Variants in SCAPER observed in about 807,000 individuals in gnomAD.
SCAPER encodes S phase cyclin A-associated protein in the endoplasmic reticulum.
A neutral mutation model predicts 182.2 loss-of-function variants in SCAPER; 98 were observed. The observed-to-expected ratio is 0.54, with a 90% CI of 0.46 to 0.64. SCAPER has a LOEUF of 0.64. SCAPER is among the 30% of genes least tolerant of loss of function. SCAPER has a pLI of 0.00. For missense variants in SCAPER, 1,432 were observed against 1,690.0 expected (o/e 0.85, Z 2.68); for synonymous variants, 605 against 564.6 (o/e 1.07, Z -1.01).
chr15:76,404,561 G>A lies in SCAPER; in HGVS notation c.3430C>T (p.His1144Tyr), dbSNP rs370270532. 1.2e-6 allele frequency: 2 copies of A among 1,613,440 alleles called. No individual in the cohort carries two copies. The highest frequency in any genetic ancestry group is 2.2e-5 in the South Asian group (2 of 91,018). ...GCAAAGCACAGTGTACACATTGCAT[G>A]TAAGAGTCCTGCGGCATGCTGCAGA... ...IFLQHAAGLL[H>Y]AMCTLCFAVT... Residue 1144 changes from histidine (H) to tyrosine (Y), a missense_variant, in exon 27 of 32, where the codon CAT becomes TAT. This residue lies in a region of SCAPER where 718 missense variants were observed against 799.7 expected (regional missense o/e 0.90). Transcript: ENST00000563290.
chr15:76,561,963 T>C (rs1026733854), intron 23 of SCAPER, among the ~76,000 whole-genome samples: 2 of 151,240 alleles, frequency 1.3e-5, no homozygotes, highest in African/African-American at 4.9e-5. Context: ...CTGGCCAACA[T>C]GGTGATCCCC....
chr15:76,830,878 T>C (rs907181289), intron 5 of SCAPER, among the ~76,000 whole-genome samples: 4 of 151,782 alleles, frequency 2.6e-5, no homozygotes, highest in Non-Finnish European at 4.4e-5. Context: ...AGACAGATCC[T>C]GGGGCTGAAG....
chr15:76,671,434 A>G (rs549325818), intron 20 of SCAPER, among the ~76,000 whole-genome samples: 1 of 152,246 alleles, frequency 6.6e-6, no homozygotes, highest in South Asian at 2.1e-4. Context: ...AAAACCCATG[A>G]AAAATATTTA....
At chr15:76,899,314 G>A (rs892069796) in intron 1 of SCAPER, among the ~76,000 whole-genome samples, 10 of 152,272 alleles carry the variant, frequency 6.6e-5, no homozygotes, top group South Asian at 4.1e-4. Context: ...CCAGGCACGC[G>A]CCGCCACTCC....
intron 5 of SCAPER, among the ~76,000 whole-genome samples, chr15:76,831,575 T>C (rs1437279435): frequency 2.1e-5 from 3 of 139,558 alleles, no homozygotes; most frequent in Non-Finnish European, 4.6e-5. Context: ...AGTACTCACC[T>C]ATGGCATCCC....
At chr15:76,371,313 C>G (rs935784887) in intron 29 of SCAPER, among the ~76,000 whole-genome samples, 1 of 151,122 alleles carries the variant, frequency 6.6e-6, no homozygotes, top group Non-Finnish European at 1.5e-5. Context: ...ATATTTCTCT[C>G]TCTCTCTTTT....
intron 21 of SCAPER, among the ~76,000 whole-genome samples, chr15:76,654,391 G>A (rs1347686051): frequency 6.6e-6 from 1 of 152,130 alleles, no homozygotes; most frequent in Admixed American, 6.5e-5. Flanking sequence ...CTGGGTGACA[G>A]AGCGAGACTC....
At position 76,771,811 on chromosome 15, in the gene SCAPER, T is replaced by C. The variant is rs747557253; in HGVS notation, c.1179A>G (p.Val393=). The change falls in exon 10 of 32, where the codon GTA becomes GTG. Residue 393 remains valine (V), a synonymous_variant. Transcript: ENST00000563290. ...TCTCTGCTGGAAATTTTTCTTCATTTACTTGTAAAGGAGGTGTACCAGCTT... is the reference window on the plus strand; with the variant it reads ...TCTCTGCTGGAAATTTTTCTTCATTCACTTGTAAAGGAGGTGTACCAGCTT... ...MLQAGTPPLQ[V]NEEKFPAEKA... 68 of 1,613,144 alleles carry C rather than the reference T, an allele frequency of 4.2e-5. No homozygotes were observed. Among genetic ancestry groups the C allele is most frequent in the Non-Finnish European group, 5.7e-5 (67 of 1,179,444 alleles).
At chr15:76,821,242 A>G (rs905561026) in intron 5 of SCAPER, among the ~76,000 whole-genome samples, 1 of 152,246 alleles carries the variant, frequency 6.6e-6, no homozygotes, top group Non-Finnish European at 1.5e-5. Flanking sequence ...TCTTCAGTAC[A>G]TGAATGAATA....
At chr15:76,733,837 A>T (rs2061073793) in intron 15 of SCAPER, among the ~76,000 whole-genome samples, 1 of 152,222 alleles carries the variant, frequency 6.6e-6, no homozygotes, top group Non-Finnish European at 1.5e-5. Context: ...GAACAAAAAA[A>T]AAATGAAGGA....
intron 21 of SCAPER, among the ~76,000 whole-genome samples, chr15:76,661,366 A>G (rs1480643854): frequency 6.6e-6 from 1 of 152,218 alleles, no homozygotes; most frequent in Non-Finnish European, 1.5e-5. Flanking sequence ...GCATAGCAAA[A>G]CAAACTATCA....
intron 17 of SCAPER, among the ~76,000 whole-genome samples, chr15:76,707,631 C>A (rs1324379524): frequency 6.6e-6 from 1 of 152,080 alleles, no homozygotes; most frequent in Non-Finnish European, 1.5e-5. Context: ...CAAAACTAAA[C>A]AAGAAATACA....
intron 26 of SCAPER, among the ~76,000 whole-genome samples, chr15:76,424,903 C>G (rs930086595): frequency 1.3e-5 from 2 of 152,254 alleles, no homozygotes; most frequent in South Asian, 4.1e-4. Context: ...ATATGAAATT[C>G]TGGGTTGAAA....
At chr15:76,611,147 G>C (rs550281832) in intron 22 of SCAPER, among the ~76,000 whole-genome samples, 4 of 151,992 alleles carry the variant, frequency 2.6e-5, no homozygotes, top group Non-Finnish European at 5.9e-5. Flanking sequence ...AGGGCACCAA[G>C]AACATGCAAT....
intron 15 of SCAPER, among the ~76,000 whole-genome samples, chr15:76,746,435 G>C (rs1390772476): frequency 6.6e-6 from 1 of 152,210 alleles, no homozygotes; most frequent in African/African-American, 2.4e-5. Flanking sequence ...CTTGATGAAA[G>C]ATTAAATACA....
chr15:76,872,593 T>A (rs1313486828), intron 2 of SCAPER, among the ~76,000 whole-genome samples: 1 of 151,862 alleles, frequency 6.6e-6, no homozygotes, highest in African/African-American at 2.4e-5. Context: ...ATAAAAAATA[T>A]TCTAATCTAG....
chr15:76,589,194 C>G (rs948254388), intron 22 of SCAPER, among the ~76,000 whole-genome samples: 1 of 152,120 alleles, frequency 6.6e-6, no homozygotes, highest in African/African-American at 2.4e-5. Context: ...GTTGTTTGGT[C>G]TCCTGCCAGG....
At chr15:76,725,120 A>C (rs529210010) in intron 17 of SCAPER, among the ~76,000 whole-genome samples, 1 of 152,282 alleles carries the variant, frequency 6.6e-6, no homozygotes, top group Admixed American at 6.5e-5. Flanking sequence ...TACAAATTTT[A>C]AAAGCACTTA....
At chr15:76,381,937 G>C (rs1228283482) in intron 27 of SCAPER, among the ~76,000 whole-genome samples, 2 of 152,100 alleles carry the variant, frequency 1.3e-5, no homozygotes, top group African/African-American at 4.8e-5. Flanking sequence ...GGGCAAAGTT[G>C]ACAGAGTCTG....
Sources: gnomAD v4.1 joint callset for allele counts (sites outside exome capture counted in the v4.1 genomes callset) on GRCh38, gnomAD v4.1.1 for gene constraint, gnomAD v4.1.1 regional missense constraint, MANE v1.5 for transcripts, NCBI Gene and HGNC (gene_info 2026-07-23, HGNC 2026-07-21) for gene names.